RPL8: variants seen among roughly 807,000 people sequenced by gnomAD.
The protein encoded by RPL8 is large ribosomal subunit protein uL2.
For missense variants in RPL8, 248 were observed against 365.9 expected (o/e 0.68, Z 2.63); for synonymous variants, 182 against 143.2 (o/e 1.27, Z -1.94).
chr8:144,791,649 A>G (rs1433319821), intron 2 of RPL8, 124 bp downstream of exon 2: 1 of 1,530,182 alleles, frequency 6.5e-7, no homozygotes, highest in Non-Finnish European at 8.9e-7. Flanking sequence ...TGGTCTGGCC[A>G]CGCGGATGTC....
At chr8:144,790,507 G>A (rs995927687) in intron 3 of RPL8, 37 bp from the exon 4 acceptor site, 14 of 1,498,802 alleles carry the variant, frequency 9.3e-6, no homozygotes, top group Middle Eastern at 3.4e-4. Context: ...ACCCCCAGTC[G>A]GTCAGAGCAC....
In RPL8 at chr8:144,791,834, C is replaced by T. The variant is rs1586752038; in HGVS notation, c.219G>A (p.Thr73=). 1 of 1,613,958 alleles carries T rather than the reference C, an allele frequency of 6.2e-7. No homozygotes were observed. ...TGCCCTCGGCGGCAATGAACAGCTC[C>T]GTCCGCTTCTTAAACCGATACGGAT... ...FRDPYRFKKR[T]ELFIAAEGIH... Residue 73 remains threonine (T), a synonymous_variant, in exon 2 of 5, where the codon ACG becomes ACA. Coordinates refer to ENST00000528957, the MANE Select transcript of RPL8 (RefSeq NM_001317782.2).
chr8:144,791,576 G>A, intron 2 of RPL8, 81 bp from the exon 3 acceptor site: 3 of 1,513,116 alleles, frequency 2.0e-6, no homozygotes, highest in Admixed American at 1.9e-5. Flanking sequence ...CCGCGAAGTT[G>A]CGAGCACAGC....
chr8:144,790,720 GCA>G, intron 3 of RPL8: 1 of 674,366 alleles, frequency 1.5e-6, no homozygotes, highest in Non-Finnish European at 2.7e-6. Context: ...GCGCAGGGAA[GCA>G]CCCCCCTCAC....
At chr8:144,791,684 G>A (rs1826525040) in intron 2 of RPL8, 89 bp downstream of exon 2, 16 of 1,584,190 alleles carry the variant, frequency 1.0e-5, no homozygotes, top group African/African-American at 2.7e-5. Context: ...CTGCCTGCGA[G>A]GTTCCCATAT....
In RPL8 at chr8:144,791,509, C is replaced by A; in HGVS notation, c.281-14G>T. The A allele has an allele frequency of 6.2e-7, 1 of 1,612,038 alleles. No homozygotes were observed. The highest frequency in any genetic ancestry group is 8.5e-7 in the Non-Finnish European group (1 of 1,179,182). On this transcript the variant is annotated splice_polypyrimidine_tract_variant and intron_variant, in intron 2 of 4. Transcript: ENST00000528957. ...TGTTGAGCTGGGCTGCAAGGGGAAGCAGCATCAGGCCGTCAGCACAGTAAG... is the reference window on the plus strand; with the variant it reads ...TGTTGAGCTGGGCTGCAAGGGGAAGAAGCATCAGGCCGTCAGCACAGTAAG...
Position 144,789,823 on chromosome 8 carries a change from A to C in RPL8, c.755T>G (p.Val252Gly), listed in dbSNP as rs1180896503. Residue 252 changes from valine (V) to glycine (G), a missense_variant, in exon 5 of 5, where the codon GTG (valine) becomes GGG (glycine). By Grantham distance (109) the Val-to-Gly change is moderately radical. Coordinates refer to ENST00000528957, the MANE Select transcript of RPL8 (RefSeq NM_001317782.2). ...TCAGCACTAGTTCTCTTTCTCCTGC[A>C]CAGTCTTGGTTCCCCGGAGACGTCC... ...RTGRLRGTKT[V>G]QEKEN is the part of the protein sequence containing the mutation. 2.5e-6 allele frequency: 4 copies of C among 1,613,478 alleles called. No individual in the cohort carries two copies. The highest frequency in any genetic ancestry group is 3.4e-6 in the Non-Finnish European group (4 of 1,179,856).
Position 144,791,414 on chromosome 8 carries a change from C to G in RPL8, c.362G>C (p.Gly121Ala), listed in dbSNP as rs766549685. 1 of 1,613,926 alleles carries G rather than the reference C, an allele frequency of 6.2e-7. No individual in the cohort carries two copies. Among genetic ancestry groups the G allele is most frequent in the Non-Finnish European group, 8.5e-7 (1 of 1,180,022 alleles). Residue 121 changes from glycine to alanine, a missense_variant, in exon 3 of 5, where the codon GGA becomes GCA. Coordinates refer to ENST00000528957, the MANE Select transcript of RPL8 (RefSeq NM_001317782.2). ...TIVCCLEEKP[G>A]DRGKLARASG... is the part of the protein sequence containing the mutation. The stretch of plus-strand genomic sequence containing the variant: ...TGCCCGGGCCAGCTTGCCACGGTCT[C>G]CAGGCTTCTCCTCCAGGCAGCACAC...
chr8:144,791,900 G>C lies in RPL8; in HGVS notation c.153C>G (p.Asp51Glu). Residue 51 changes from aspartate (D) to glutamate (E), a missense_variant, in exon 2 of 5, where the codon GAC becomes GAG. Coordinates refer to ENST00000528957, the MANE Select transcript of RPL8 (RefSeq NM_001317782.2). Reference protein sequence around the residue: ...IKGIVKDIIHDPGRGAPLAKV... With the variant: ...IKGIVKDIIHEPGRGAPLAKV... ...TGGCGAGGGGCGCGCCGCGGCCCGG[G>C]TCGTGGATGATGTCCTGTGGGCAGA... The C allele has an allele frequency of 6.2e-7, 1 of 1,613,226 alleles. No individual in the cohort carries two copies. Among genetic ancestry groups the C allele is most frequent in the Non-Finnish European group, 8.5e-7 (1 of 1,179,912 alleles).
Position 144,791,927 on chromosome 8 carries a change from G to A in RPL8, c.139-13C>T, listed in dbSNP as rs1407951371. Reference sequence around the variant, plus strand: ...CGTGGATGATGTCCTGTGGGCAGAGGCGGCGTGAGTGCGGCGTTCCGGCCG... The same window carrying A: ...CGTGGATGATGTCCTGTGGGCAGAGACGGCGTGAGTGCGGCGTTCCGGCCG... On this transcript the variant is annotated splice_polypyrimidine_tract_variant and intron_variant, in intron 1 of 4. Transcript: ENST00000528957. The A allele has an allele frequency of 3.7e-6, 6 of 1,611,784 alleles. No homozygotes were observed. In the Admixed American group the frequency reaches 5.0e-5, roughly 13 times the overall value.
intron 3 of RPL8, 104 bp from the exon 4 acceptor site, chr8:144,790,574 C>A: frequency 1.1e-6 from 1 of 894,006 alleles, no homozygotes; most frequent in Non-Finnish European, 1.9e-6. Flanking sequence ...TCCAACTACC[C>A]AGCAAAAAGC....
chr8:144,789,803 A>G lies in RPL8; in HGVS notation c.*1T>C. On this transcript the variant is annotated 3_prime_UTR_variant, in exon 5 of 5. Coordinates refer to ENST00000528957, the MANE Select transcript of RPL8 (RefSeq NM_001317782.2). ...CACAAACTTTATTGAGGCCCTCAGC[A>G]CTAGTTCTCTTTCTCCTGCACAGTC... is the stretch of plus-strand genomic sequence containing the variant. 3 of 1,613,452 alleles carry G rather than the reference A, an allele frequency of 1.9e-6. No homozygotes were observed.
rs770906320 is a variant in RPL8 at position 144,789,793 on chromosome 8, G to A, written c.*11C>T. 5.6e-6 allele frequency: 9 copies of A among 1,613,340 alleles called. No individual in the cohort carries two copies. The highest frequency in any genetic ancestry group is 1.8e-4 in the Middle Eastern group (1 of 5,704). On this transcript the variant is annotated 3_prime_UTR_variant, in exon 5 of 5. Transcript: ENST00000528957. ...GTGGCATAAACACAAACTTTATTGA[G>A]GCCCTCAGCACTAGTTCTCTTTCTC...
In RPL8 at chr8:144,790,337, C is replaced by T; in HGVS notation, c.615+18G>A. ...ACTGTAACTTCAATACCCAACCCTG[C>T]ATTTCTGGGTTACTTACATTCATGG... On this transcript the variant is annotated intron_variant, in intron 4 of 4. Transcript: ENST00000528957. The T allele has an allele frequency of 6.3e-7, 1 of 1,591,520 alleles. No individual in the cohort carries two copies. Among genetic ancestry groups the T allele is most frequent in the Non-Finnish European group, 8.6e-7 (1 of 1,159,472 alleles).
In RPL8 at chr8:144,792,102, T is replaced by C; in HGVS notation, c.28A>G (p.Lys10Glu). The stretch of plus-strand genomic sequence containing the variant: ...GCGCGGAACACAGACCCGGCGCCCT[T>C]CCTCTGTCCACGGATCACACGGCCC... The part of the protein sequence containing the change: MGRVIRGQR[K>E]GAGSVFRAHV... Residue 10 changes from lysine to glutamate, a missense_variant, in exon 1 of 5, where the codon AAG becomes GAG. Lys to Glu is a moderately conservative substitution (Grantham distance 56). Coordinates refer to ENST00000528957, the MANE Select transcript of RPL8 (RefSeq NM_001317782.2). 6.3e-7 allele frequency: 1 copy of C among 1,589,100 alleles called. No individual in the cohort carries two copies. The highest frequency in any genetic ancestry group is 8.5e-7 in the Non-Finnish European group (1 of 1,171,034).
In RPL8 at chr8:144,792,180, G is replaced by T; in HGVS notation, c.-51C>A. ...CGATTAGCGCGGCCGGGCGGCCCGGGTACCCCCGCCAGCCCGGCTTTCCGG... is the reference window on the plus strand; with the variant it reads ...CGATTAGCGCGGCCGGGCGGCCCGGTTACCCCCGCCAGCCCGGCTTTCCGG... On this transcript the variant is annotated 5_prime_UTR_variant, in exon 1 of 5. Coordinates refer to ENST00000528957, the MANE Select transcript of RPL8 (RefSeq NM_001317782.2). 7.0e-7 allele frequency: 1 copy of T among 1,437,986 alleles called. No homozygotes were observed. Among genetic ancestry groups the T allele is most frequent in the Non-Finnish European group, 9.1e-7 (1 of 1,104,372 alleles). The allele number at this position is 1,437,986 out of a possible 1,614,324, so 89.1% of individuals were successfully genotyped here.
chr8:144,791,525 G>C, intron 2 of RPL8, 30 bp from the exon 3 acceptor site: 1 of 1,607,104 alleles, frequency 6.2e-7, no homozygotes, highest in South Asian at 1.1e-5. Context: ...CAGGCCGTCA[G>C]CACAGTAAGA....
rs1826530291 is a variant in RPL8 at position 144,791,763 on chromosome 8, C to G, written c.280+10G>C. ...CCACCCCGACCTTCCTTCCCCGCCG[C>G]GATGCTAACCCTTCTTGCCGCAATA... On this transcript the variant is annotated intron_variant, in intron 2 of 4. Transcript: ENST00000528957. The G allele has an allele frequency of 1.9e-6, 3 of 1,613,384 alleles. No homozygotes were observed. In the East Asian group the frequency reaches 6.7e-5, roughly 36 times the overall value.
Position 144,792,113 on chromosome 8 carries a change from C to A in RPL8, c.17G>T (p.Arg6Leu). The change falls in exon 1 of 5, where the codon CGT becomes CTT. Residue 6 changes from arginine (R) to leucine (L), a missense_variant. Arg to Leu is a moderately radical substitution (Grantham distance 102). Coordinates refer to ENST00000528957, the MANE Select transcript of RPL8 (RefSeq NM_001317782.2). The stretch of plus-strand genomic sequence containing the variant: ...AGACCCGGCGCCCTTCCTCTGTCCA[C>A]GGATCACACGGCCCATGGCGACGGG... MGRVI[R>L]GQRKGAGSVF... 1 of 1,564,136 alleles carries A rather than the reference C, an allele frequency of 6.4e-7. No homozygotes were observed. Among genetic ancestry groups the A allele is most frequent in the Admixed American group, 1.9e-5 (1 of 53,164 alleles).
Sources: gnomAD v4.1 joint callset for allele counts on GRCh38, gnomAD v4.1.1 for gene constraint, MANE v1.5 for transcripts, NCBI Gene and HGNC (gene_info 2026-07-23, HGNC 2026-07-21) for gene names.